PLXDC2: variants seen among roughly 807,000 people sequenced by gnomAD.
PLXDC2 encodes plexin domain-containing protein 2.
PLXDC2 carries 40 observed loss-of-function variants against 68.9 expected under a neutral mutation model. That is an observed-to-expected ratio of 0.58 (90% CI 0.45 to 0.76). The LOEUF (loss-of-function observed/expected upper bound fraction) is 0.76. Ranked by LOEUF, PLXDC2 falls within the 30% of genes least tolerant of loss-of-function variation. The probability of loss-of-function intolerance (pLI) is 0.00; values close to 1 mark genes in which losing one functional copy is unlikely to be tolerated. For missense variants in PLXDC2, 644 were observed against 661.9 expected, an observed-to-expected ratio of 0.97 and a Z score of 0.30; for synonymous variants, 243 against 234.2, an observed-to-expected ratio of 1.04 and a Z score of -0.34.
chr10:19,944,602 T>A (rs1833871758), intron 1 of PLXDC2, among the ~76,000 whole-genome samples: 1 of 152,100 alleles, frequency 6.6e-6, no homozygotes, highest in African/African-American at 2.4e-5. Flanking sequence ...TGAAGAAGAC[T>A]AATGGGCAGA....
chr10:20,242,595 T>C (rs971576954), intron 12 of PLXDC2, among the ~76,000 whole-genome samples: 1 of 152,160 alleles, frequency 6.6e-6, no homozygotes, highest in Non-Finnish European at 1.5e-5. Context: ...TTTATCTTTT[T>C]CCTTCCTCTC....
At chr10:20,057,108 T>TA (rs1428952162) in intron 3 of PLXDC2, among the ~76,000 whole-genome samples, 3 of 152,204 alleles carry the variant, frequency 2.0e-5, no homozygotes, top group African/African-American at 4.8e-5. Context: ...TATGAAGACT[T>TA]ACGATGGTTT....
At chr10:19,985,194 A>G (rs921157021) in intron 1 of PLXDC2, among the ~76,000 whole-genome samples, 6 of 152,238 alleles carry the variant, frequency 3.9e-5, no homozygotes, top group Admixed American at 1.3e-4. Context: ...GACCTCAGAC[A>G]CAGTCTCTGT....
At chr10:19,939,805 CTT>C (rs1198873066) in intron 1 of PLXDC2, among the ~76,000 whole-genome samples, 5 of 149,602 alleles carry the variant, frequency 3.3e-5, no homozygotes, top group Admixed American at 6.6e-5. Flanking sequence ...CTACTCCAGA[CTT>C]TTGTTGGATG....
chr10:19,823,695 C>A (rs1280135170), intron 1 of PLXDC2, among the ~76,000 whole-genome samples: 2 of 151,560 alleles, frequency 1.3e-5, no homozygotes, highest in Admixed American at 1.3e-4. Flanking sequence ...TCTCATAAAA[C>A]TTGTTTTGAG....
rs1255596482 is a variant in PLXDC2 at position 20,278,617 on chromosome 10, T to C, written c.1474-1086T>C. ...TATTAGTAGGCAGAATGTAATTACCTTCATTTTTTTTTACACAATATAGAG... is the reference window on the plus strand; with the variant it reads ...TATTAGTAGGCAGAATGTAATTACCCTCATTTTTTTTTACACAATATAGAG... On this transcript the variant is annotated intron_variant, in intron 13 of 13. Transcript: ENST00000377252. Among the ~76,000 whole-genome samples the C allele has an allele frequency of 7.6e-5, 3 of 39,674 alleles. No homozygotes were observed. In the East Asian group the frequency reaches 9.0e-4, roughly 12 times the overall value. 26.0% of individuals were successfully genotyped at this position (39,674 alleles called of 152,430 possible). A position where few individuals can be genotyped will look rare whatever the true frequency, so the allele number is the denominator to read the frequency against.
rs538041149 is a variant in PLXDC2 at position 20,232,530 on chromosome 10, G to T, written c.1313-12815G>T. 7.2e-5 allele frequency among the ~76,000 whole-genome samples: 11 copies of T among 152,204 alleles called. No homozygotes were observed. The South Asian group carries it at 2.3e-3, about 31-fold the overall frequency. On this transcript the variant is annotated intron_variant, in intron 12 of 13. Coordinates refer to ENST00000377252, the MANE Select transcript of PLXDC2 (RefSeq NM_032812.9). ...AAATTGAGTGCATGTTACACAAGGG[G>T]TTACTACTCAGCAGAAAAAAAATAT... is the stretch of plus-strand genomic sequence containing the variant.
Position 20,244,755 on chromosome 10 carries a change from T to A in PLXDC2, c.1313-590T>A, listed in dbSNP as rs201000984. Among the ~76,000 whole-genome samples the A allele has an allele frequency of 3.9e-5, 6 of 152,176 alleles. No homozygotes were observed. The East Asian group carries it at 9.6e-4, about 24-fold the overall frequency. ...AAGTTAAATTTAGTGTGTAGTTAAT[T>A]AGAGTTTGAGGTTTCCCACAGTACT... On this transcript the variant is annotated intron_variant, in intron 12 of 13. Transcript: ENST00000377252.
chr10:19,964,596 G>C (rs1834217323), intron 1 of PLXDC2, among the ~76,000 whole-genome samples: 1 of 152,180 alleles, frequency 6.6e-6, no homozygotes, highest in Admixed American at 6.5e-5. Flanking sequence ...CCTTGGGTGT[G>C]GGTTGCTTAT....
At chr10:19,970,803 G>T (rs1834337076) in intron 1 of PLXDC2, among the ~76,000 whole-genome samples, 1 of 152,160 alleles carries the variant, frequency 6.6e-6, no homozygotes, top group South Asian at 2.1e-4. Flanking sequence ...ATTGGTTCAA[G>T]AACTAGGGCA....
At chr10:20,079,736 G>A (rs569113897) in intron 4 of PLXDC2, among the ~76,000 whole-genome samples, 1 of 152,212 alleles carries the variant, frequency 6.6e-6, no homozygotes, top group Admixed American at 6.5e-5. Flanking sequence ...TGAACAATAA[G>A]AACACATGGA....
At chr10:20,102,554 T>A (rs964865731) in intron 4 of PLXDC2, among the ~76,000 whole-genome samples, 2 of 152,176 alleles carry the variant, frequency 1.3e-5, no homozygotes, top group African/African-American at 4.8e-5. Flanking sequence ...AAGGGATTGG[T>A]AATAATATTT....
chr10:20,040,079 G>A (rs144064713), intron 2 of PLXDC2, among the ~76,000 whole-genome samples: 58 of 152,160 alleles, frequency 3.8e-4, no homozygotes, highest in African/African-American at 1.3e-3. Context: ...GCCTCAGTGC[G>A]CCCCTTCCTC....
rs184310870 is a variant in PLXDC2, at chr10:20,207,506, G to T, written c.1062-4163G>T. On this transcript the variant is annotated intron_variant, in intron 9 of 13. Transcript: ENST00000377252. The stretch of plus-strand genomic sequence containing the variant: ...TGAAAACAAACCGTGCTTTAAGAAC[G>T]ATCTGTTCCATTGAATTACTTATGG... 1.1e-4 allele frequency among the ~76,000 whole-genome samples: 16 copies of T among 152,250 alleles called. No homozygotes were observed. The East Asian group carries it at 3.1e-3, about 29-fold the overall frequency.
chr10:20,117,460 G>C (rs1833637159), intron 4 of PLXDC2, among the ~76,000 whole-genome samples: 1 of 152,118 alleles, frequency 6.6e-6, no homozygotes, highest in African/African-American at 2.4e-5. Context: ...TTATATGAGA[G>C]AACAAAGGAA....
intron 12 of PLXDC2, among the ~76,000 whole-genome samples, chr10:20,236,803 T>G (rs963943929): frequency 7.9e-5 from 12 of 152,126 alleles, no homozygotes; most frequent in South Asian, 2.1e-4. Context: ...CTTAAAACTT[T>G]CCCTTTAAGA....
intron 4 of PLXDC2, among the ~76,000 whole-genome samples, chr10:20,086,615 C>T (rs1461720542): frequency 1.3e-5 from 2 of 152,126 alleles, no homozygotes; most frequent in Admixed American, 6.5e-5. Context: ...TTGGGACGGC[C>T]TCTTCAAATT....
intron 1 of PLXDC2, among the ~76,000 whole-genome samples, chr10:20,001,005 G>A (rs1834926896): frequency 6.6e-6 from 1 of 152,186 alleles, no homozygotes; most frequent in Non-Finnish European, 1.5e-5. Flanking sequence ...TGGAGTAGCA[G>A]GATGAGCTGG....
intron 1 of PLXDC2, among the ~76,000 whole-genome samples, chr10:19,852,969 C>G (rs1447735478): frequency 6.6e-6 from 1 of 152,154 alleles, no homozygotes; most frequent in Non-Finnish European, 1.5e-5. Context: ...AGTGAAAATA[C>G]TTTTTACTAA....
Sources: allele counts gnomAD v4.1 joint callset (sites outside exome capture counted in the v4.1 genomes callset), GRCh38; gene constraint gnomAD v4.1.1; transcripts MANE v1.5; gene names NCBI Gene and HGNC (gene_info 2026-07-23, HGNC 2026-07-21).